The following CEP170B variants were observed in gnomAD, a reference collection of about 807,000 sequenced individuals.
CEP170B encodes centrosomal protein 170B, also known as centrosomal protein of 170 kDa protein B.
CEP170B carries 55 observed loss-of-function variants against 120.6 expected under a neutral mutation model. The observed-to-expected ratio is 0.46, with a 90% CI of 0.37 to 0.57. CEP170B has a LOEUF of 0.57. Ranked by LOEUF, CEP170B falls within the 20% of genes least tolerant of loss-of-function variation. The pLI, the probability that CEP170B is intolerant of heterozygous loss-of-function variation, is 0.00. For synonymous variants in CEP170B, 1,033 were observed against 954.5 expected, an observed-to-expected ratio of 1.08 and a Z score of -1.52; for missense variants, 2,212 against 2,253.3, an observed-to-expected ratio of 0.98 and a Z score of 0.37.
Position 104,886,348 on chromosome 14 carries a change from G to A in CEP170B, c.2109G>A (p.Gln703=), listed in dbSNP as rs1444016453. 6.4e-7 allele frequency: 1 copy of A among 1,570,162 alleles called. No individual in the cohort carries two copies. Among genetic ancestry groups the A allele is most frequent in the South Asian group, 1.2e-5 (1 of 85,748 alleles). ...TGCGCATGCGGCGACGGCTCCCTCA[G>A]CTGCCCAGTGAGAGGGCTGACAGCC... The part of the protein sequence containing the change: ...LPVRMRRRLP[Q]LPSERADSPA... The change falls in exon 12 of 19, where the codon CAG becomes CAA. Residue 703 remains glutamine (Q), a synonymous_variant. Transcript: ENST00000414716.
intron 2 of CEP170B, among the ~76,000 whole-genome samples, chr14:104,871,613 G>T (rs941201548): frequency 6.6e-6 from 1 of 152,172 alleles, no homozygotes; most frequent in African/African-American, 2.4e-5. Context: ...GCAGAGAGGG[G>T]CCAGCAAGGT....
At position 104,885,477 on chromosome 14, in the gene CEP170B, CGGATGGCGCTACTGCA is replaced by C; in HGVS notation, c.1883_1898del (p.Met628SerfsTer190). 2 of 1,562,988 alleles carry C rather than the reference CGGATGGCGCTACTGCA, an allele frequency of 1.3e-6. No homozygotes were observed. The highest frequency in any genetic ancestry group is 1.7e-6 in the Non-Finnish European group (2 of 1,155,274). On this transcript the variant is annotated frameshift_variant, in exon 10 of 19. Coordinates refer to ENST00000414716, the MANE Select transcript of CEP170B (RefSeq NM_001112726.3). LOFTEE classifies it high-confidence loss of function. ...GTCTGATGACGGGGGCGTGGCCCAG[CGGATGGCGCTACTGCA>C]GGAGTTTGCCTCCCGGCCACTGGGT...
Position 104,884,401 on chromosome 14 carries a change from C to T in CEP170B, c.1622C>T (p.Pro541Leu), listed in dbSNP as rs1000358416. 9.1e-6 allele frequency: 14 copies of T among 1,546,928 alleles called. No homozygotes were observed. The highest frequency in any genetic ancestry group is 1.2e-5 in the South Asian group (1 of 83,954). ...CATGGGACCAGCCCCGTGGGCCCCCCGACCCCACCGCCCGCCCCCACGGAC... is the reference window on the plus strand; with the variant it reads ...CATGGGACCAGCCCCGTGGGCCCCCTGACCCCACCGCCCGCCCCCACGGAC... ...TPHGTSPVGP[P>L]TPPPAPTDPQ... Residue 541 changes from proline (P) to leucine (L), a missense_variant, in exon 9 of 19, where the codon CCG becomes CTG. By Grantham distance (98) the Pro-to-Leu change is moderately conservative. Around this residue, in one of 2 missense-constraint regions of CEP170B, gnomAD observed 2,166 missense variants for 2,166.7 expected, o/e 1.00. Transcript: ENST00000414716.
At chr14:104,879,761 C>T (rs1040140318) in intron 5 of CEP170B, among the ~76,000 whole-genome samples, 2 of 152,192 alleles carry the variant, frequency 1.3e-5, no homozygotes, top group Non-Finnish European at 2.9e-5. Flanking sequence ...GCCGGGGCCC[C>T]TGTGGGGGGC....
rs1371421860 is a variant in CEP170B at position 104,883,835 on chromosome 14, C to T, written c.1056C>T (p.His352=). Residue 352 remains histidine, a synonymous_variant, in exon 9 of 19, where the codon CAC becomes CAT. Transcript: ENST00000414716. ...GGGGTCCCCTGTCTCCCCCAGGCCACAAGCACGAGGACGGCACGCAGAGTG... is the reference window on the plus strand; with the variant it reads ...GGGGTCCCCTGTCTCCCCCAGGCCATAAGCACGAGGACGGCACGCAGAGTG... The part of the protein sequence containing the change: ...LPVHTRTLKG[H]KHEDGTQSDS... The T allele has an allele frequency of 2.5e-5, 39 of 1,547,842 alleles. No individual in the cohort carries two copies. Among genetic ancestry groups the T allele is most frequent in the Non-Finnish European group, 3.3e-5 (38 of 1,146,520 alleles).
In CEP170B at chr14:104,883,931, G is replaced by A. The variant is rs1301937793; in HGVS notation, c.1152G>A (p.Val384=). The A allele has an allele frequency of 1.2e-6, 2 of 1,601,048 alleles. No individual in the cohort carries two copies. The highest frequency in any genetic ancestry group is 1.7e-6 in the Non-Finnish European group (2 of 1,174,398). ...GVPLEASGEQ[V]RLQRQIKRDP... ...CCTTGGAGGCCAGCGGGGAGCAGGT[G>A]CGGCTGCAGAGGCAGATCAAGCGGG... is the stretch of plus-strand genomic sequence containing the variant. Residue 384 remains valine (V), a synonymous_variant, in exon 9 of 19, where the codon GTG becomes GTA. Transcript: ENST00000414716.
rs200188010 is a variant in CEP170B, at chr14:104,884,032, G to A, written c.1253G>A (p.Arg418His). 17 of 1,610,602 alleles carry A rather than the reference G, an allele frequency of 1.1e-5. No individual in the cohort carries two copies. The highest frequency in any genetic ancestry group is 2.2e-5 in the East Asian group (1 of 44,852). Residue 418 changes from arginine (R) to histidine (H), a missense_variant, in exon 9 of 19, where the codon CGC becomes CAC. Coordinates refer to ENST00000414716, the MANE Select transcript of CEP170B (RefSeq NM_001112726.3). ...GACGAGGACACACCCCGAAAGAAGC[G>A]CTCCCAGTCCTTCACGCACAGCCCG... is the stretch of plus-strand genomic sequence containing the variant. ...FFDEDTPRKK[R>H]SQSFTHSPSG...
Position 104,896,235 on chromosome 14 carries a change from T to C in CEP170B, c.*1277T>C. On this transcript the variant is annotated 3_prime_UTR_variant, in exon 19 of 19. Coordinates refer to ENST00000414716, the MANE Select transcript of CEP170B (RefSeq NM_001112726.3). ...CTGGAGGCTGGAAGCGGGTGGTGTG[T>C]GTCCCCTGTTTACTTTTAGCTGAGC... 3.9e-6 allele frequency: 1 copy of C among 255,276 alleles called. No individual in the cohort carries two copies. The highest frequency in any genetic ancestry group is 7.9e-6 in the Non-Finnish European group (1 of 126,338). 15.8% of individuals were successfully genotyped at this position (255,276 alleles called of 1,614,324 possible).
chr14:104,886,248 C>G (rs758533783), intron 11 of CEP170B, 27 bp from the exon 12 acceptor site: 13 of 1,491,842 alleles, frequency 8.7e-6, no homozygotes, highest in Admixed American at 4.4e-5. Flanking sequence ...CAGCGGCCCT[C>G]TAACCGGCTG....
At position 104,880,275 on chromosome 14, in the gene CEP170B, G is replaced by C. The variant is rs1418670450; in HGVS notation, c.334-12G>C. ...TGGGCCCAGTACCTCACCCCGCCTG[G>C]CCTGCCCACAGCATGAAAAGTACAC... On this transcript the variant is annotated splice_polypyrimidine_tract_variant and intron_variant, in intron 5 of 18. Coordinates refer to ENST00000414716, the MANE Select transcript of CEP170B (RefSeq NM_001112726.3). 2 of 1,584,238 alleles carry C rather than the reference G, an allele frequency of 1.3e-6. No homozygotes were observed. Among genetic ancestry groups the C allele is most frequent in the South Asian group, 2.3e-5 (2 of 87,032 alleles).
chr14:104,884,076 G>A lies in CEP170B; in HGVS notation c.1297G>A (p.Asp433Asn), dbSNP rs377006406. ...CAGCCCGTCCGGGGACCCCAAGGCC[G>A]ACAAGCGCCGTGGCCCAACGCCGGC... is the stretch of plus-strand genomic sequence containing the variant. ...THSPSGDPKA[D>N]KRRGPTPADR... The change falls in exon 9 of 19, where the codon GAC (aspartate) becomes AAC (asparagine). Residue 433 changes from aspartate to asparagine, a missense_variant. By Grantham distance (23) the Asp-to-Asn change is conservative (BLOSUM62 1). Around this residue, in one of 2 missense-constraint regions of CEP170B, gnomAD observed 2,166 missense variants for 2,166.7 expected, o/e 1.00. Coordinates refer to ENST00000414716, the MANE Select transcript of CEP170B (RefSeq NM_001112726.3). The A allele has an allele frequency of 2.7e-5, 43 of 1,601,672 alleles. No individual in the cohort carries two copies. Among genetic ancestry groups the A allele is most frequent in the Admixed American group, 6.8e-5 (4 of 58,608 alleles).
chr14:104,877,870 C>T lies in CEP170B; in HGVS notation c.196-15C>T, dbSNP rs1453431909. ...CGCAGCTCCCCCCCCCCCCCCGCCA[C>T]CTGTTTTCCTGCAGACGTTTGTGAA... On this transcript the variant is annotated splice_polypyrimidine_tract_variant and intron_variant, in intron 3 of 18. Transcript: ENST00000414716. The T allele has an allele frequency of 1.3e-6, 1 of 796,454 alleles. No individual in the cohort carries two copies. The highest frequency in any genetic ancestry group is 1.9e-6 in the Non-Finnish European group (1 of 517,776). The allele number at this position is 796,454 out of a possible 1,614,324, so 49.3% of individuals were successfully genotyped here. A position where few individuals can be genotyped will look rare whatever the true frequency, so the allele number is the denominator to read the frequency against.
chr14:104,887,929 C>G lies in CEP170B; in HGVS notation c.3690C>G (p.Pro1230=). 6.5e-7 allele frequency: 1 copy of G among 1,545,700 alleles called. No individual in the cohort carries two copies. ...KAANTATTTG[P]RQPFSRARSG... is the part of the protein sequence containing the mutation. Reference sequence around the variant, plus strand: ...CCAACACAGCCACCACCACGGGTCCCCGCCAGCCCTTCAGCAGGGCCCGCT... The same window carrying G: ...CCAACACAGCCACCACCACGGGTCCGCGCCAGCCCTTCAGCAGGGCCCGCT... Residue 1230 remains proline (P), a synonymous_variant, in exon 12 of 19, where the codon CCC becomes CCG. Transcript: ENST00000414716.
Position 104,884,338 on chromosome 14 carries a change from A to G in CEP170B, c.1559A>G (p.Glu520Gly), listed in dbSNP as rs753975341. The change falls in exon 9 of 19, where the codon GAG becomes GGG. Residue 520 changes from glutamate (E) to glycine (G), a missense_variant. By Grantham distance (98) the Glu-to-Gly change is moderately conservative. Transcript: ENST00000414716. Reference sequence around the variant, plus strand: ...TCCCCGGCCGCCCGGCCCAGCCCCGAGAAGGTTCCTCCGGTGCTGCCCGCT... The same window carrying G: ...TCCCCGGCCGCCCGGCCCAGCCCCGGGAAGGTTCCTCCGGTGCTGCCCGCT... ...ESSPAARPSPEKVPPVLPAPL... is the reference protein window; with the variant it reads ...ESSPAARPSPGKVPPVLPAPL... 2 of 1,543,916 alleles carry G rather than the reference A, an allele frequency of 1.3e-6. No individual in the cohort carries two copies. The highest frequency in any genetic ancestry group is 2.4e-5 in the South Asian group (2 of 83,678).
intron 5 of CEP170B, among the ~76,000 whole-genome samples, 188 bp downstream of exon 5, chr14:104,878,689 GA>G (rs1895987788): frequency 6.6e-6 from 1 of 150,586 alleles, no homozygotes; most frequent in Non-Finnish European, 1.5e-5. Context: ...CGGCAGGTGG[GA>G]AGGTAGTCAT....
Position 104,894,917 on chromosome 14 carries a change from G to A in CEP170B, c.4624G>A (p.Asp1542Asn), listed in dbSNP as rs772287547. 6.3e-7 allele frequency: 1 copy of A among 1,595,430 alleles called. No homozygotes were observed. The highest frequency in any genetic ancestry group is 8.5e-7 in the Non-Finnish European group (1 of 1,171,474). ...CAGCTGTGGGCCTCCCAGCCTCCCG[G>A]ACCCCACCTTCCTCCCTGATGCCGA... ...RASCGPPSLP[D>N]PTFLPDAERF... is the part of the protein sequence containing the mutation. Residue 1542 changes from aspartate (D) to asparagine (N), a missense_variant, in exon 19 of 19, where the codon GAC becomes AAC. Transcript: ENST00000414716.
At chr14:104,894,416 A>G in intron 17 of CEP170B, 38 bp downstream of exon 17, 9 of 1,607,028 alleles carry the variant, frequency 5.6e-6, no homozygotes, top group Non-Finnish European at 7.7e-6. Context: ...GCCTGCCCCC[A>G]GCCAGCCTGC....
intron 3 of CEP170B, 103 bp from the exon 4 acceptor site, chr14:104,877,782 G>A (rs1895932789): frequency 3.2e-6 from 2 of 621,260 alleles, no homozygotes; most frequent in African/African-American, 1.9e-5. Context: ...CCGCGGCCCT[G>A]CCCACTGCCA....
chr14:104,889,604 T>G lies in CEP170B; in HGVS notation c.3740-16T>G. ...CCACGGCTCCCCCAAACACACACGC[T>G]CCCACACCTCAACAGCCACTCAGAC... On this transcript the variant is annotated splice_polypyrimidine_tract_variant and intron_variant, in intron 12 of 18. Transcript: ENST00000414716. The G allele has an allele frequency of 6.2e-7, 1 of 1,608,772 alleles. No homozygotes were observed. The highest frequency in any genetic ancestry group is 8.5e-7 in the Non-Finnish European group (1 of 1,179,602).
Sources: allele counts gnomAD v4.1 joint callset (sites outside exome capture counted in the v4.1 genomes callset), GRCh38; gene constraint gnomAD v4.1.1; regional missense constraint gnomAD v4.1.1; transcripts MANE v1.5; gene names NCBI Gene and HGNC (gene_info 2026-07-23, HGNC 2026-07-21).